The following CACNB2 variants were observed in gnomAD, a reference collection of about 807,000 sequenced individuals.
CACNB2 encodes voltage-dependent L-type calcium channel subunit beta-2.
Under a neutral mutation model 73.3 loss-of-function variants are expected in CACNB2, and 42 were observed. The observed-to-expected ratio is 0.57, with a 90% confidence interval of 0.45 to 0.74. The LOEUF is 0.74. Ranked by LOEUF, CACNB2 falls within the 30% of genes least tolerant of loss-of-function variation. CACNB2 has a pLI of 0.00. For synonymous variants in CACNB2, 348 were observed against 310.3 expected (o/e 1.12, Z -1.28); for missense variants, 940 against 853.0 (o/e 1.10, Z -1.27).
chr10:18,186,006 G>C (rs1305257169), intron 2 of CACNB2, among the ~76,000 whole-genome samples: 1 of 152,104 alleles, frequency 6.6e-6, no homozygotes, highest in African/African-American at 2.4e-5. Context: ...TCTTTTAGTT[G>C]ACATGTGAAC....
intron 2 of CACNB2, among the ~76,000 whole-genome samples, chr10:18,184,499 C>T (rs1001922765): frequency 8.5e-5 from 13 of 152,082 alleles, no homozygotes; most frequent in Non-Finnish European, 1.3e-4. Context: ...TACTGATATA[C>T]TAACCAACTA....
chr10:18,260,392 C>A (rs2037481140), intron 2 of CACNB2: 2 of 977,022 alleles, frequency 2.0e-6, no homozygotes, highest in East Asian at 1.1e-4. Flanking sequence ...ATCAAATTCG[C>A]CTTCCAGAGT....
In CACNB2 at chr10:18,542,846, G is replaced by C. The variant is rs1244063294; in HGVS notation, c.*3122G>C. On this transcript the variant is annotated 3_prime_UTR_variant, in exon 14 of 14. Transcript: ENST00000324631. ...ACTCAGTTGTAGAGCCATTTTTGTA[G>C]TCAACCTAGAAAATGCTGGAAATGT... The C allele has an allele frequency of 1.3e-5, 2 of 149,960 alleles. No homozygotes were observed. Among genetic ancestry groups the C allele is most frequent in the African/African-American group, 4.9e-5 (2 of 40,756 alleles). The allele number at this position is 149,960 out of a possible 1,614,324, so 9.3% of individuals were successfully genotyped here. A position where few individuals can be genotyped will look rare whatever the true frequency, so the allele number is the denominator to read the frequency against.
At chr10:18,495,249 C>G (rs2049721275) in intron 3 of CACNB2, among the ~76,000 whole-genome samples, 1 of 149,738 alleles carries the variant, frequency 6.7e-6, no homozygotes, top group South Asian at 2.1e-4. Context: ...TAGAGTCTCA[C>G]TCTATCACCC....
intron 8 of CACNB2, 67 bp from the exon 9 acceptor site, chr10:18,518,843 A>C: frequency 7.1e-7 from 1 of 1,399,328 alleles, no homozygotes. Flanking sequence ...AAGAGAAGTA[A>C]AATTGTTTTA....
intron 2 of CACNB2, among the ~76,000 whole-genome samples, chr10:18,191,281 G>T (rs2034381553): frequency 2.0e-5 from 3 of 152,204 alleles, no homozygotes; most frequent in African/African-American, 7.2e-5. Flanking sequence ...ATTCAGAGAA[G>T]CTAAAGGATT....
intron 2 of CACNB2, among the ~76,000 whole-genome samples, chr10:18,191,572 T>C (rs1368680076): frequency 6.6e-6 from 1 of 152,196 alleles, no homozygotes; most frequent in Non-Finnish European, 1.5e-5. Context: ...CTATTTGTAG[T>C]CTTTTATCCC....
intron 3 of CACNB2, among the ~76,000 whole-genome samples, chr10:18,408,657 G>T (rs565653775): frequency 2.6e-5 from 4 of 152,266 alleles, no homozygotes; most frequent in African/African-American, 9.6e-5. Context: ...CTCAGGCAGT[G>T]CTGAAATTTG....
At chr10:18,359,335 C>T (rs2042053869) in intron 2 of CACNB2, among the ~76,000 whole-genome samples, 1 of 152,034 alleles carries the variant, frequency 6.6e-6, no homozygotes, top group Admixed American at 6.6e-5. Flanking sequence ...GCAGTGGCGC[C>T]ATCTCGGCTC....
At chr10:18,254,319 A>G (rs1242688373) in intron 2 of CACNB2, among the ~76,000 whole-genome samples, 1 of 152,248 alleles carries the variant, frequency 6.6e-6, no homozygotes, top group Non-Finnish European at 1.5e-5. Context: ...TGAATGTAGC[A>G]AGTGTAGTCT....
chr10:18,428,446 G>A (rs1266542947), intron 3 of CACNB2, among the ~76,000 whole-genome samples: 3 of 152,070 alleles, frequency 2.0e-5, no homozygotes, highest in Admixed American at 1.3e-4. Flanking sequence ...CAGCACTTTG[G>A]GAGGCCAAGG....
At chr10:18,534,877 T>C (rs1164016338) in intron 11 of CACNB2, among the ~76,000 whole-genome samples, 2 of 152,232 alleles carry the variant, frequency 1.3e-5, no homozygotes, top group African/African-American at 2.4e-5. Context: ...GCTATGCTTA[T>C]TCCGACTTGG....
At chr10:18,191,448 A>AT (rs2034392698) in intron 2 of CACNB2, among the ~76,000 whole-genome samples, 1 of 151,678 alleles carries the variant, frequency 6.6e-6, no homozygotes, top group Non-Finnish European at 1.5e-5. Context: ...TTTCTTTCTT[A>AT]TTTTTTTCCA....
intron 2 of CACNB2, among the ~76,000 whole-genome samples, chr10:18,305,196 C>A (rs1383010584): frequency 6.6e-6 from 1 of 152,144 alleles, no homozygotes; most frequent in African/African-American, 2.4e-5. Context: ...ATGTCGTCTA[C>A]TTCATGGACA....
intron 2 of CACNB2, among the ~76,000 whole-genome samples, chr10:18,315,754 A>G (rs545017105): frequency 2.4e-4 from 37 of 152,132 alleles, no homozygotes; most frequent in Admixed American, 3.3e-4. Context: ...TTAATATTCC[A>G]CTATCCAAAA....
At chr10:18,284,292 G>C (rs1439218840) in intron 2 of CACNB2, among the ~76,000 whole-genome samples, 2 of 152,092 alleles carry the variant, frequency 1.3e-5, no homozygotes, top group Non-Finnish European at 2.9e-5. Context: ...GAACAGCAGG[G>C]AAAGACCCAC....
intron 1 of CACNB2, among the ~76,000 whole-genome samples, chr10:18,147,132 A>G (rs1246608268): frequency 6.6e-6 from 1 of 152,138 alleles, no homozygotes; most frequent in East Asian, 1.9e-4. Flanking sequence ...CAGCAATTAG[A>G]TTTTCATTAC....
At chr10:18,368,865 G>T (rs944339136) in intron 2 of CACNB2, among the ~76,000 whole-genome samples, 16 of 152,072 alleles carry the variant, frequency 1.1e-4, no homozygotes, top group African/African-American at 3.4e-4. Context: ...ATGTAATCAT[G>T]TTAAACAGTT....
At chr10:18,191,901 C>T (rs574636178) in intron 2 of CACNB2, among the ~76,000 whole-genome samples, 16 of 152,188 alleles carry the variant, frequency 1.1e-4, no homozygotes, top group South Asian at 8.3e-4. Flanking sequence ...TATAAACATG[C>T]GTGTGCAAGT....
Sources: allele counts gnomAD v4.1 joint callset (sites outside exome capture counted in the v4.1 genomes callset), GRCh38; gene constraint gnomAD v4.1.1; transcripts MANE v1.5; gene names NCBI Gene and HGNC (gene_info 2026-07-23, HGNC 2026-07-21).